Variants in KATNIP observed in about 807,000 individuals in gnomAD.
KATNIP encodes katanin interacting protein.
In KATNIP, 126 loss-of-function variants were observed where a neutral mutation model predicts 174.0. That is an observed-to-expected ratio of 0.72 (90% CI 0.63 to 0.84). The LOEUF (loss-of-function observed/expected upper bound fraction) is 0.84, where lower values mean the gene tolerates loss of function less well. Among genes scored for constraint, KATNIP ranks in the 40% least tolerant of loss-of-function variants. The pLI is 0.00. For synonymous variants in KATNIP, 810 were observed against 835.7 expected (o/e 0.97, Z 0.53); for missense variants, 1,958 against 2,109.7 (o/e 0.93, Z 1.41).
intron 1 of KATNIP, among the ~76,000 whole-genome samples, chr16:27,565,814 A>G (rs1218057347): frequency 6.6e-6 from 1 of 151,926 alleles, no homozygotes; most frequent in Non-Finnish European, 1.5e-5. Context: ...AAAAAAAAAA[A>G]CAAAGGAAGA....
intron 1 of KATNIP, among the ~76,000 whole-genome samples, chr16:27,571,671 G>T (rs976795495): frequency 6.6e-6 from 1 of 152,224 alleles, no homozygotes; most frequent in South Asian, 2.1e-4. Context: ...GGCCCTGCTG[G>T]CATCTCACTG....
At chr16:27,706,257 G>A (rs1212908502) in intron 12 of KATNIP, among the ~76,000 whole-genome samples, 2 of 152,144 alleles carry the variant, frequency 1.3e-5, no homozygotes, top group African/African-American at 4.8e-5. Flanking sequence ...CCACTGTCAG[G>A]AGAGAAGCCT....
At chr16:27,677,544 A>T (rs1394979807) in intron 6 of KATNIP, among the ~76,000 whole-genome samples, 185 bp from the exon 7 acceptor site, 1 of 151,420 alleles carries the variant, frequency 6.6e-6, no homozygotes, top group Non-Finnish European at 1.5e-5. Context: ...CTGTCCAGGG[A>T]GTTACTCATT....
intron 1 of KATNIP, among the ~76,000 whole-genome samples, chr16:27,564,738 G>A (rs1355912225): frequency 6.6e-6 from 1 of 151,968 alleles, no homozygotes; most frequent in Non-Finnish European, 1.5e-5. Flanking sequence ...CAGAGCCGGT[G>A]TCTGCCTGGC....
At chr16:27,570,691 C>T (rs1055739118) in intron 1 of KATNIP, among the ~76,000 whole-genome samples, 1 of 152,154 alleles carries the variant, frequency 6.6e-6, no homozygotes, top group Admixed American at 6.6e-5. Flanking sequence ...TCTACCTGGA[C>T]ATTGGGCTGG....
Position 27,775,629 on chromosome 16 carries a change from CCT to C in KATNIP, c.4449+547_4449+548del, listed in dbSNP as rs567930057. Reference sequence around the variant, plus strand: ...TCCTGCTTAGCTTTTAGCTCTGAGGCCTCATGGTGAGAAGACGTGGTTGGTTG... The same window carrying C: ...TCCTGCTTAGCTTTTAGCTCTGAGGCCATGGTGAGAAGACGTGGTTGGTTG... On this transcript the variant is annotated intron_variant, in intron 24 of 27. Transcript: ENST00000261588. Among the ~76,000 whole-genome samples the C allele has an allele frequency of 1.9e-4, 29 of 152,312 alleles. No individual in the cohort carries two copies. In the East Asian group the frequency reaches 4.4e-3, roughly 23 times the overall value.
intron 18 of KATNIP, among the ~76,000 whole-genome samples, chr16:27,757,269 G>C (rs1445909708): frequency 1.3e-5 from 2 of 152,152 alleles, no homozygotes; most frequent in East Asian, 3.9e-4. Flanking sequence ...CCATCCTTAA[G>C]TCAGCCACTG....
chr16:27,751,872 G>C lies in KATNIP; in HGVS notation c.3500G>C (p.Gly1167Ala). ...EAMRRPSTADGEGDERPFTQA... is the reference protein window; with the variant it reads ...EAMRRPSTADAEGDERPFTQA... The stretch of plus-strand genomic sequence containing the variant: ...ATGAGGAGGCCCAGCACGGCCGACG[G>C]CGAGGGGGATGAGCGGCCCTTCACC... The change falls in exon 17 of 28, where the codon GGC becomes GCC. Residue 1167 changes from glycine to alanine, a missense_variant. Transcript: ENST00000261588. The C allele has an allele frequency of 1.2e-6, 2 of 1,613,758 alleles. No homozygotes were observed. The highest frequency in any genetic ancestry group is 3.3e-5 in the Admixed American group (2 of 60,028).
intron 1 of KATNIP, among the ~76,000 whole-genome samples, chr16:27,551,234 A>G (rs1174343131): frequency 6.6e-6 from 1 of 152,208 alleles, no homozygotes; most frequent in Non-Finnish European, 1.5e-5. Flanking sequence ...TCATTTTTCT[A>G]ATTACAGCAC....
chr16:27,618,034 G>A (rs928695848), intron 2 of KATNIP, among the ~76,000 whole-genome samples: 16 of 152,126 alleles, frequency 1.1e-4, no homozygotes, highest in South Asian at 2.1e-4. Context: ...CACTGTGCCC[G>A]ACCAAGATCC....
At chr16:27,747,414 T>G (rs2081331727) in intron 15 of KATNIP, among the ~76,000 whole-genome samples, 1 of 151,728 alleles carries the variant, frequency 6.6e-6, no homozygotes, top group Admixed American at 6.6e-5. Flanking sequence ...CACAGCTGGA[T>G]CCAGGAGTTC....
chr16:27,654,698 G>A (rs371855020), intron 6 of KATNIP: 24 of 1,351,846 alleles, frequency 1.8e-5, no homozygotes, highest in Non-Finnish European at 2.2e-5. Context: ...AAGCAGCGTG[G>A]ACAAAGAAAG....
intron 8 of KATNIP, among the ~76,000 whole-genome samples, chr16:27,682,713 G>A (rs1180900120): frequency 6.6e-6 from 1 of 152,112 alleles, no homozygotes; most frequent in African/African-American, 2.4e-5. Context: ...TGGGTGGCAT[G>A]GTTTGAATAT....
At chr16:27,669,368 A>C in intron 6 of KATNIP, 46 of 941,408 alleles carry the variant, frequency 4.9e-5, no homozygotes, top group South Asian at 9.8e-5. Context: ...TCCGATCTCC[A>C]CCTGCGGTGT....
intron 6 of KATNIP, among the ~76,000 whole-genome samples, chr16:27,657,492 A>G (rs1228013357): frequency 6.6e-6 from 1 of 152,014 alleles, no homozygotes; most frequent in Non-Finnish European, 1.5e-5. Context: ...TTTTGGGAGG[A>G]CGAGGCGGGT....
chr16:27,550,204 G>C, intron 1 of KATNIP, 27 bp downstream of exon 1: 2 of 1,606,186 alleles, frequency 1.2e-6, no homozygotes, highest in Non-Finnish European at 1.7e-6. Flanking sequence ...CCCTCCGGGA[G>C]GTCGGGCTGT....
intron 6 of KATNIP, among the ~76,000 whole-genome samples, chr16:27,665,852 C>T (rs765198909): frequency 4.6e-5 from 7 of 152,158 alleles, no homozygotes; most frequent in African/African-American, 7.2e-5. Context: ...CCACCCACCT[C>T]GGCCTGGCAA....
chr16:27,690,347 TA>T (rs1413369334), intron 8 of KATNIP, among the ~76,000 whole-genome samples: 2 of 127,526 alleles, frequency 1.6e-5, no homozygotes, highest in African/African-American at 6.0e-5. Context: ...GATAGATAGA[TA>T]GATAGATAGA....
chr16:27,622,941 A>T (rs146994874), intron 3 of KATNIP, among the ~76,000 whole-genome samples: 463 of 152,260 alleles, frequency 3.0e-3, no homozygotes, highest in South Asian at 5.2e-3. Flanking sequence ...AGTCTCTGGC[A>T]ATGAGCTCCG....
Sources: gnomAD v4.1 joint callset for allele counts (sites outside exome capture counted in the v4.1 genomes callset) on GRCh38, gnomAD v4.1.1 for gene constraint, MANE v1.5 for transcripts, NCBI Gene and HGNC (gene_info 2026-07-23, HGNC 2026-07-21) for gene names.